MYO5B: variants seen among roughly 807,000 people sequenced by gnomAD.
MYO5B encodes unconventional myosin-Vb.
In MYO5B, 143 loss-of-function variants were observed where a neutral mutation model predicts 229.3. That is an observed-to-expected ratio of 0.62 (90% CI 0.54 to 0.72). The LOEUF is 0.72. MYO5B is among the 30% of genes least tolerant of loss of function. The probability of loss-of-function intolerance (pLI) is 0.00; values close to 1 mark genes in which losing one functional copy is unlikely to be tolerated. For synonymous variants in MYO5B, 918 were observed against 885.2 expected, an observed-to-expected ratio of 1.04 and a Z score of -0.66; for missense variants, 2,321 against 2,331.0, an observed-to-expected ratio of 1.00 and a Z score of 0.09.
intron 12 of MYO5B, 38 bp downstream of exon 12, chr18:49,962,228 T>C (rs753019470): frequency 2.4e-5 from 39 of 1,613,204 alleles, no homozygotes; most frequent in African/African-American, 4.0e-5. Context: ...ATCACATCCC[T>C]ACCCTAGAAT....
intron 1 of MYO5B, among the ~76,000 whole-genome samples, chr18:50,079,426 A>AC (rs772604247): frequency 3.3e-5 from 5 of 152,088 alleles, no homozygotes; most frequent in Non-Finnish European, 7.4e-5. Flanking sequence ...GAGAGCATCC[A>AC]CCCCTTGGTC....
chr18:49,887,406 G>A (rs1479905230), intron 22 of MYO5B, among the ~76,000 whole-genome samples: 4 of 152,022 alleles, frequency 2.6e-5, no homozygotes, highest in Admixed American at 6.5e-5. Context: ...GATGTTAAGG[G>A]GAAGCAACGT....
At chr18:50,172,284 A>G (rs2032929877) in intron 1 of MYO5B, among the ~76,000 whole-genome samples, 1 of 140,714 alleles carries the variant, frequency 7.1e-6, no homozygotes, top group Non-Finnish European at 1.5e-5. Context: ...CTGACAAAAA[A>G]AGACAAAAAA....
At chr18:50,135,959 G>A (rs1319663403) in intron 1 of MYO5B, among the ~76,000 whole-genome samples, 1 of 152,224 alleles carries the variant, frequency 6.6e-6, no homozygotes, top group African/African-American at 2.4e-5. Context: ...TCGTGAGACA[G>A]AGAGTGTTCG....
At chr18:50,062,505 A>G (rs770943904) in intron 1 of MYO5B, among the ~76,000 whole-genome samples, 4 of 152,212 alleles carry the variant, frequency 2.6e-5, no homozygotes, top group African/African-American at 7.2e-5. Flanking sequence ...GGTACCTGGA[A>G]GGATACTGCT....
rs776328639 is a variant in MYO5B, at chr18:50,040,195, C to T, written c.258G>A (p.Leu86=). 1.9e-6 allele frequency: 3 copies of T among 1,614,080 alleles called. No individual in the cohort carries two copies. In the East Asian group the frequency reaches 6.7e-5, roughly 36 times the overall value. Residue 86 remains leucine (L), a synonymous_variant, in exon 3 of 40, where the codon TTG becomes TTA. Transcript: ENST00000285039. ...ALSYLHEPAV[L]HNLKVRFLES... is the part of the protein sequence containing the mutation. ...CCAGGAAACGGACCTTCAAATTATG[C>T]AAAACTGCAGGCTCATGAAGATAGC...
intron 1 of MYO5B, chr18:50,064,003 G>T (rs759579896): frequency 1.3e-5 from 2 of 152,260 alleles, no homozygotes; most frequent in Non-Finnish European, 2.9e-5. Context: ...TATCCAACTG[G>T]TTTATACCAG....
chr18:49,897,550 A>C (rs2024793023), intron 21 of MYO5B, among the ~76,000 whole-genome samples: 1 of 152,262 alleles, frequency 6.6e-6, no homozygotes, highest in African/African-American at 2.4e-5. Context: ...CATCATGAAG[A>C]ATGGGATACC....
chr18:50,115,219 T>C (rs1260312670), intron 1 of MYO5B, among the ~76,000 whole-genome samples: 1 of 152,188 alleles, frequency 6.6e-6, no homozygotes. Context: ...TGTGTTAGGA[T>C]ACTCTCCAAC....
At chr18:49,930,897 A>G (rs1398676377) in intron 16 of MYO5B, among the ~76,000 whole-genome samples, 1 of 149,908 alleles carries the variant, frequency 6.7e-6, no homozygotes, top group Non-Finnish European at 1.5e-5. Context: ...GTCTCAAAAA[A>G]AAACACTAGT....
chr18:50,143,647 C>G (rs981999259), intron 1 of MYO5B, among the ~76,000 whole-genome samples: 6 of 152,062 alleles, frequency 3.9e-5, no homozygotes, highest in Admixed American at 3.9e-4. Flanking sequence ...TTTAGAAAGC[C>G]CCCAAATGAC....
At chr18:49,976,766 T>C (rs1032843601) in intron 9 of MYO5B, among the ~76,000 whole-genome samples, 1 of 152,156 alleles carries the variant, frequency 6.6e-6, no homozygotes, top group Admixed American at 6.6e-5. Context: ...CCATGGCTAC[T>C]TCTCCTGGCC....
chr18:49,849,321 T>C lies in MYO5B; in HGVS notation c.4315+246A>G, dbSNP rs374809232. On this transcript the variant is annotated intron_variant, in intron 32 of 39. Transcript: ENST00000285039. ...TCTGGGTTCCCCATTCCTCTAGCCC[T>C]GCAGAGCCTTGCTCAGAGTAAGCAC... Among the ~76,000 whole-genome samples, 16 of 152,350 alleles carry C rather than the reference T, an allele frequency of 1.1e-4. No individual in the cohort carries two copies. In the East Asian group the frequency reaches 1.2e-3, roughly 11 times the overall value.
At chr18:49,866,155 G>T (rs1475305958) in intron 27 of MYO5B, among the ~76,000 whole-genome samples, 2 of 152,038 alleles carry the variant, frequency 1.3e-5, no homozygotes, top group Admixed American at 1.3e-4. Flanking sequence ...TGCAAGCTCC[G>T]CCTCCCAGGT....
At chr18:49,897,473 C>T (rs1321154216) in intron 21 of MYO5B, among the ~76,000 whole-genome samples, 4 of 151,884 alleles carry the variant, frequency 2.6e-5, no homozygotes, top group African/African-American at 9.7e-5. Context: ...TTCCTGGGTA[C>T]ATAGTAGGTG....
At chr18:50,177,987 C>T (rs2033020787) in intron 1 of MYO5B, among the ~76,000 whole-genome samples, 1 of 152,246 alleles carries the variant, frequency 6.6e-6, no homozygotes, top group South Asian at 2.1e-4. Context: ...TACACTACTC[C>T]TGAATAGCAC....
At chr18:50,174,467 G>T (rs2032966328) in intron 1 of MYO5B, among the ~76,000 whole-genome samples, 1 of 152,294 alleles carries the variant, frequency 6.6e-6, no homozygotes, top group African/African-American at 2.4e-5. Flanking sequence ...TTTGCATCGT[G>T]AGTTTGAGTA....
intron 29 of MYO5B, 32 bp from the exon 30 acceptor site, chr18:49,856,922 C>T (rs764296355): frequency 1.3e-6 from 2 of 1,571,416 alleles, no homozygotes; most frequent in Non-Finnish European, 8.8e-7. Context: ...ACAGGGTGTC[C>T]AGTGTAGACG....
At chr18:49,937,167 C>T in intron 15 of MYO5B, 78 bp downstream of exon 15, 4 of 1,554,514 alleles carry the variant, frequency 2.6e-6, no homozygotes, top group Non-Finnish European at 3.5e-6. Flanking sequence ...TCCCTCTCAC[C>T]CTGCCGCCAT....
Sources: allele counts gnomAD v4.1 joint callset (sites outside exome capture counted in the v4.1 genomes callset), GRCh38; gene constraint gnomAD v4.1.1; transcripts MANE v1.5; gene names NCBI Gene and HGNC (gene_info 2026-07-23, HGNC 2026-07-21).